The following GTF2A1 variants were observed in gnomAD, a reference collection of about 807,000 sequenced individuals.
GTF2A1 encodes transcription initiation factor IIA subunit 1.
In GTF2A1, 12 loss-of-function variants were observed where a neutral mutation model predicts 54.1. The observed-to-expected ratio is 0.22, with a 90% CI of 0.14 to 0.36. The LOEUF (loss-of-function observed/expected upper bound fraction) is 0.36. Among genes scored for constraint, GTF2A1 ranks in the 10% least tolerant of loss-of-function variants. GTF2A1 has a pLI of 1.00. For missense variants in GTF2A1, 335 were observed against 442.2 expected, an observed-to-expected ratio of 0.76 and a Z score of 2.17; for synonymous variants, 145 against 152.0, an observed-to-expected ratio of 0.95 and a Z score of 0.34.
intron 2 of GTF2A1, among the ~76,000 whole-genome samples, chr14:81,208,488 G>A (rs1159927514): frequency 6.6e-6 from 1 of 152,246 alleles, no homozygotes; most frequent in African/African-American, 2.4e-5. Context: ...GTGCAGAAGA[G>A]AAATGTGGGG....
intron 2 of GTF2A1, among the ~76,000 whole-genome samples, chr14:81,206,983 T>C (rs1022746916): frequency 5.3e-5 from 8 of 152,238 alleles, no homozygotes; most frequent in Non-Finnish European, 1.2e-4. Context: ...TAAATACTAT[T>C]AATTCTTAAG....
chr14:81,201,150 C>T (rs1165140783), intron 4 of GTF2A1, among the ~76,000 whole-genome samples: 2 of 152,210 alleles, frequency 1.3e-5, no homozygotes, highest in African/African-American at 2.4e-5. Context: ...TTAGACTATA[C>T]TATGGTTAAG....
intron 7 of GTF2A1, 141 bp from the exon 8 acceptor site, chr14:81,185,761 A>G: frequency 4.1e-6 from 2 of 489,562 alleles, no homozygotes; most frequent in East Asian, 3.3e-5. Flanking sequence ...TTGTCAAATC[A>G]GCTGTTAACA....
chr14:81,187,578 A>G (rs188918430), intron 7 of GTF2A1, among the ~76,000 whole-genome samples: 1 of 152,136 alleles, frequency 6.6e-6, no homozygotes, highest in Non-Finnish European at 1.5e-5. Context: ...GGATTTGCCT[A>G]TTCTGGATAT....
intron 2 of GTF2A1, among the ~76,000 whole-genome samples, chr14:81,214,595 A>G (rs1199354045): frequency 6.6e-6 from 1 of 151,852 alleles, no homozygotes; most frequent in Non-Finnish European, 1.5e-5. Flanking sequence ...GCAGTGAGCC[A>G]AGATAGCACC....
Position 81,201,628 on chromosome 14 carries a change from G to C in GTF2A1, c.368C>G (p.Ser123Cys), listed in dbSNP as rs1292857056. The change falls in exon 4 of 9, where the codon TCT becomes TGT. Residue 123 changes from serine to cysteine, a missense_variant. By Grantham distance (112) the Ser-to-Cys change is moderately radical (BLOSUM62 -1). Coordinates refer to ENST00000553612, the MANE Select transcript of GTF2A1 (RefSeq NM_015859.4). Reference protein sequence around the residue: ...ATAPQVIVPDSKLIQHMNASN... With the variant: ...ATAPQVIVPDCKLIQHMNASN... ...TGCATTCATATGCTGTATCAACTTA[G>C]AATCTGGAACAATAACTTGTGGTGC... The C allele has an allele frequency of 1.9e-6, 3 of 1,610,516 alleles. No individual in the cohort carries two copies. In the South Asian group the frequency reaches 3.3e-5, roughly 18 times the overall value.
chr14:81,196,349 G>A, intron 5 of GTF2A1, 108 bp from the exon 6 acceptor site: 2 of 1,130,470 alleles, frequency 1.8e-6, no homozygotes, highest in Non-Finnish European at 2.6e-6. Context: ...AAATTATCAA[G>A]AAAACTAACA....
Position 81,220,883 on chromosome 14 carries a change from G to T in GTF2A1, c.-365C>A. 1 of 249,230 alleles carries T rather than the reference G, an allele frequency of 4.0e-6. No individual in the cohort carries two copies. The highest frequency in any genetic ancestry group is 7.6e-6 in the Non-Finnish European group (1 of 130,866). 15.4% of individuals were successfully genotyped at this position (249,230 alleles called of 1,614,324 possible). ...GGCTGCAGCTCCAGCCGTCCGGTCC[G>T]CCCGCTTCTCTCCTTTATATAGCGA... On this transcript the variant is annotated 5_prime_UTR_variant, in exon 1 of 9. Transcript: ENST00000553612.
chr14:81,214,980 GAC>G (rs1423069612), intron 2 of GTF2A1, among the ~76,000 whole-genome samples: 4 of 152,284 alleles, frequency 2.6e-5, no homozygotes, highest in Non-Finnish European at 5.9e-5. Flanking sequence ...ACTTTTAAGT[GAC>G]AGTTTCTTAA....
chr14:81,196,084 G>A, intron 6 of GTF2A1, 24 bp downstream of exon 6: 1 of 1,606,276 alleles, frequency 6.2e-7, no homozygotes, highest in South Asian at 1.1e-5. Context: ...ACCCCATACT[G>A]ATCATAATAG....
chr14:81,200,564 T>C (rs1278405468), intron 4 of GTF2A1, among the ~76,000 whole-genome samples: 1 of 151,154 alleles, frequency 6.6e-6, no homozygotes, highest in East Asian at 1.9e-4. Context: ...GAGGCGGAGG[T>C]TGCAGTTAGC....
intron 7 of GTF2A1, among the ~76,000 whole-genome samples, chr14:81,189,441 G>A (rs1439078541): frequency 6.6e-6 from 1 of 152,144 alleles, no homozygotes; most frequent in African/African-American, 2.4e-5. Context: ...GGAGGCCAAG[G>A]TGGGCGGATC....
chr14:81,210,826 A>T (rs1382536441), intron 2 of GTF2A1, among the ~76,000 whole-genome samples: 1 of 152,156 alleles, frequency 6.6e-6, no homozygotes, highest in African/African-American at 2.4e-5. Flanking sequence ...AAGTGCTGGA[A>T]TTACAGGCAT....
At chr14:81,218,421 A>G (rs1263485197) in intron 1 of GTF2A1, among the ~76,000 whole-genome samples, 3 of 152,360 alleles carry the variant, frequency 2.0e-5, no homozygotes, top group African/African-American at 7.2e-5. Flanking sequence ...TTCACAAAAT[A>G]TATGCCTAAC....
intron 2 of GTF2A1, among the ~76,000 whole-genome samples, chr14:81,207,151 C>CTACCTACG (rs1555390234): frequency 4.5e-5 from 5 of 111,190 alleles, no homozygotes; most frequent in Non-Finnish European, 9.6e-5. Context: ...ACCTACCTAC[C>CTACCTACG]TACCTACCTA....
Position 81,179,539 on chromosome 14 carries a change from T to C in GTF2A1, c.*684A>G, listed in dbSNP as rs1469186918. The C allele has an allele frequency of 6.6e-6, 1 of 152,224 alleles. No homozygotes were observed. Among genetic ancestry groups the C allele is most frequent in the Non-Finnish European group, 1.5e-5 (1 of 68,044 alleles). The allele number at this position is 152,224 out of a possible 1,614,324, so 9.4% of individuals were successfully genotyped here. On this transcript the variant is annotated 3_prime_UTR_variant, in exon 9 of 9. Coordinates refer to ENST00000553612, the MANE Select transcript of GTF2A1 (RefSeq NM_015859.4). ...ACTCAGACAAGACCCAAGTCTTTAA[T>C]TACATTTAATAAGTATGAAAACCTA...
chr14:81,185,895 G>A (rs780993671), intron 7 of GTF2A1, among the ~76,000 whole-genome samples: 3 of 152,042 alleles, frequency 2.0e-5, no homozygotes, highest in Non-Finnish European at 2.9e-5. Context: ...ACACAGTCTC[G>A]CTCTGTAGCC....
intron 4 of GTF2A1, among the ~76,000 whole-genome samples, chr14:81,198,544 CCTGGAGAGTT>C (rs1758129925): frequency 6.6e-6 from 1 of 152,170 alleles, no homozygotes; most frequent in Non-Finnish European, 1.5e-5. Context: ...TTCTTGACTT[CCTGGAGAGTT>C]CTGGAGAGTT....
chr14:81,212,808 C>T (rs1479319059), intron 2 of GTF2A1, among the ~76,000 whole-genome samples: 2 of 152,214 alleles, frequency 1.3e-5, no homozygotes, highest in African/African-American at 4.8e-5. Context: ...TCAGTTCCAC[C>T]AACCACATTT....
Sources: gnomAD v4.1 joint callset for allele counts (sites outside exome capture counted in the v4.1 genomes callset) on GRCh38, gnomAD v4.1.1 for gene constraint, MANE v1.5 for transcripts, NCBI Gene and HGNC (gene_info 2026-07-23, HGNC 2026-07-21) for gene names.